Variants in KLF12 observed in about 807,000 individuals in gnomAD.
KLF12 encodes KLF transcription factor 12, also known as Krueppel-like factor 12.
A neutral mutation model predicts 37.8 loss-of-function variants in KLF12; 9 were observed. That is an observed-to-expected ratio of 0.24 (90% CI 0.14 to 0.42). The LOEUF is 0.42. KLF12 is among the 10% of genes least tolerant of loss of function. The pLI, the probability that KLF12 is intolerant of heterozygous loss-of-function variation, is 1.00. For missense variants in KLF12, 411 were observed against 516.0 expected (o/e 0.80, Z 1.97); for synonymous variants, 208 against 202.1 (o/e 1.03, Z -0.25).
intron 6 of KLF12, among the ~76,000 whole-genome samples, chr13:73,725,566 G>C (rs1338660566): frequency 1.3e-5 from 2 of 151,368 alleles, no homozygotes; most frequent in African/African-American, 4.9e-5. Context: ...CTAAAGTTCT[G>C]TGATCAATAA....
At chr13:74,080,914 C>T (rs1874847754) in intron 1 of KLF12, among the ~76,000 whole-genome samples, 5 of 152,152 alleles carry the variant, frequency 3.3e-5, no homozygotes, top group Admixed American at 3.3e-4. Flanking sequence ...CTACAACATG[C>T]CATCTTCCTA....
chr13:73,721,058 C>T (rs763616951), intron 6 of KLF12, among the ~76,000 whole-genome samples: 1 of 152,216 alleles, frequency 6.6e-6, no homozygotes, highest in Non-Finnish European at 1.5e-5. Flanking sequence ...ATGATATTTA[C>T]AGAATGCTTA....
the KLF12 span, among the ~76,000 whole-genome samples, chr13:74,243,675 T>G: frequency 1.3e-5 from 2 of 152,208 alleles, no homozygotes; most frequent in Admixed American, 1.3e-4. Flanking sequence ...TATCTCATTG[T>G]GGTTTTGATT....
At chr13:74,250,616 G>C in the KLF12 span, among the ~76,000 whole-genome samples, 403 of 152,282 alleles carry the variant, frequency 2.6e-3, 6 homozygotes, top group East Asian at 0.057. Context: ...CCTGGTAAGA[G>C]AGTCCAGCAA....
intron 4 of KLF12, among the ~76,000 whole-genome samples, chr13:73,842,909 T>A (rs1884815100): frequency 1.3e-5 from 2 of 152,222 alleles, no homozygotes; most frequent in Non-Finnish European, 2.9e-5. Flanking sequence ...GTAGGCAGGC[T>A]TCTTCCACTA....
At chr13:74,212,271 A>G in the KLF12 span, among the ~76,000 whole-genome samples, 2 of 152,200 alleles carry the variant, frequency 1.3e-5, no homozygotes, top group Non-Finnish European at 2.9e-5. Context: ...TTATATCATT[A>G]AAACAGTAAG....
chr13:74,124,117 C>T (rs1466058813), intron 1 of KLF12, among the ~76,000 whole-genome samples: 1 of 152,160 alleles, frequency 6.6e-6, no homozygotes, highest in Non-Finnish European at 1.5e-5. Flanking sequence ...TGGTATAATT[C>T]CACCACACTC....
chr13:74,137,686 A>G (rs1487885753), upstream of KLF12, among the ~76,000 whole-genome samples: 2 of 152,208 alleles, frequency 1.3e-5, no homozygotes, highest in Non-Finnish European at 2.9e-5. Context: ...AGCTCTTCTT[A>G]TACTCAACCA....
At chr13:74,086,005 T>C (rs993789150) in intron 1 of KLF12, among the ~76,000 whole-genome samples, 1 of 151,230 alleles carries the variant, frequency 6.6e-6, no homozygotes, top group Non-Finnish European at 1.5e-5. Flanking sequence ...ATATTATATA[T>C]AAAATTATGA....
At chr13:74,123,045 T>C (rs1051149073) in intron 1 of KLF12, among the ~76,000 whole-genome samples, 1 of 151,098 alleles carries the variant, frequency 6.6e-6, no homozygotes, top group African/African-American at 2.4e-5. Flanking sequence ...TTGTAAACAA[T>C]GCCCATTAAA....
At chr13:73,859,026 C>T (rs983756459) in intron 3 of KLF12, among the ~76,000 whole-genome samples, 4 of 152,182 alleles carry the variant, frequency 2.6e-5, no homozygotes, top group Non-Finnish European at 5.9e-5. Flanking sequence ...ACGGGACAAA[C>T]ATTTTTGCTC....
intron 7 of KLF12, among the ~76,000 whole-genome samples, chr13:73,707,963 T>C (rs1335409164): frequency 6.6e-6 from 1 of 152,186 alleles, no homozygotes; most frequent in Non-Finnish European, 1.5e-5. Flanking sequence ...TATGTGTGTG[T>C]GCATTCCAAA....
chr13:74,304,260 T>G, the KLF12 span, among the ~76,000 whole-genome samples: 1 of 152,182 alleles, frequency 6.6e-6, no homozygotes, highest in African/African-American at 2.4e-5. Context: ...TTATCCATAC[T>G]GTTTTTCTTT....
At chr13:74,211,326 A>G in the KLF12 span, among the ~76,000 whole-genome samples, 2 of 152,148 alleles carry the variant, frequency 1.3e-5, no homozygotes, top group African/African-American at 4.8e-5. Flanking sequence ...CTTCGATACC[A>G]GAAAGGAAAA....
chr13:74,065,333 A>T (rs76888409), intron 1 of KLF12, among the ~76,000 whole-genome samples: 14 of 152,164 alleles, frequency 9.2e-5, no homozygotes, highest in African/African-American at 3.4e-4. Context: ...TCATGGTCAT[A>T]TTCAAAACAC....
At chr13:74,192,637 A>G in the KLF12 span, among the ~76,000 whole-genome samples, 1 of 152,212 alleles carries the variant, frequency 6.6e-6, no homozygotes, top group African/African-American at 2.4e-5. Flanking sequence ...TGACACACAT[A>G]TTTTGTAAAA....
At chr13:73,712,338 C>CAAAAAAAAAAAAAAAAA (rs752694466) in intron 7 of KLF12, among the ~76,000 whole-genome samples, 4 of 42,058 alleles carry the variant, frequency 9.5e-5, no homozygotes, top group Non-Finnish European at 1.5e-4. Context: ...AACTCCATGT[C>CAAAAAAAAAAAAAAAAA]AAAAAAAAAA....
chr13:74,275,807 C>CCTTCTTTCT, the KLF12 span, among the ~76,000 whole-genome samples: 1 of 50,296 alleles, frequency 2.0e-5, no homozygotes, highest in Non-Finnish European at 3.8e-5. Context: ...TCTTTCTTTC[C>CCTTCTTTCT]TTCTTTCTTT....
chr13:74,000,118 G>C (rs1254609621), intron 1 of KLF12, among the ~76,000 whole-genome samples: 1 of 151,946 alleles, frequency 6.6e-6, no homozygotes, highest in Non-Finnish European at 1.5e-5. Context: ...CAGAATGTCT[G>C]GTATATAACG....
Sources: allele counts gnomAD v4.1 joint callset (sites outside exome capture counted in the v4.1 genomes callset), GRCh38; gene constraint gnomAD v4.1.1; transcripts MANE v1.5; gene names NCBI Gene and HGNC (gene_info 2026-07-23, HGNC 2026-07-21).